The following SLC24A2 variants were observed in gnomAD, a reference collection of about 807,000 sequenced individuals.
The protein encoded by SLC24A2 is sodium/potassium/calcium exchanger 2.
Under a neutral mutation model 62.0 loss-of-function variants are expected in SLC24A2, and 36 were observed. The ratio of observed to expected loss-of-function variants is 0.58; its 90% CI spans 0.44 to 0.77. SLC24A2 has a LOEUF of 0.77. Among genes scored for constraint, SLC24A2 ranks in the 30% least tolerant of loss-of-function variants. The pLI, the probability that SLC24A2 is intolerant of heterozygous loss-of-function variation, is 0.00. For synonymous variants in SLC24A2, 358 were observed against 294.0 expected, an observed-to-expected ratio of 1.22 and a Z score of -2.23; for missense variants, 846 against 817.9, an observed-to-expected ratio of 1.03 and a Z score of -0.42.
At chr9:19,770,240 G>T (rs768309603) in intron 2 of SLC24A2, among the ~76,000 whole-genome samples, 19 of 151,690 alleles carry the variant, frequency 1.3e-4, no homozygotes, top group Non-Finnish European at 2.1e-4. Flanking sequence ...CATCTATTTG[G>T]CCGTTCAAAA....
chr9:19,568,958 C>A (rs1017888295), intron 7 of SLC24A2, among the ~76,000 whole-genome samples: 1 of 152,146 alleles, frequency 6.6e-6, no homozygotes, highest in African/African-American at 2.4e-5. Context: ...CCCTTTCTTT[C>A]CGTGTACAAA....
chr9:20,009,497 A>G, the SLC24A2 span, among the ~76,000 whole-genome samples: 715 of 152,178 alleles, frequency 4.7e-3, 37 homozygotes, highest in South Asian at 0.11. Flanking sequence ...GTGCCACATC[A>G]GAGAAACTAC....
At chr9:19,637,798 T>G (rs958386457) in intron 2 of SLC24A2, among the ~76,000 whole-genome samples, 1 of 152,192 alleles carries the variant, frequency 6.6e-6, no homozygotes, top group Non-Finnish European at 1.5e-5. Flanking sequence ...AGAACCTGTG[T>G]TGGTAAAATG....
At chr9:19,708,324 T>A (rs1234524774) in intron 2 of SLC24A2, among the ~76,000 whole-genome samples, 2 of 152,020 alleles carry the variant, frequency 1.3e-5, no homozygotes, top group African/African-American at 4.8e-5. Flanking sequence ...AAAATGGCCA[T>A]ACTGCCCAAG....
In SLC24A2 at chr9:19,543,959, C is replaced by G. The variant is rs200101804; in HGVS notation, c.1479+6178G>C. Among the ~76,000 whole-genome samples, 50 of 152,134 alleles carry G rather than the reference C, an allele frequency of 3.3e-4. No individual in the cohort carries two copies. In the East Asian group the frequency reaches 8.9e-3, roughly 27 times the overall value. On this transcript the variant is annotated intron_variant, in intron 8 of 10. Transcript: ENST00000341998. ...TGTTTATTAGGTCTGCTTGTTCCAGCGCTGAGTTCAAGTCCTGGATATCCT... is the reference window on the plus strand; with the variant it reads ...TGTTTATTAGGTCTGCTTGTTCCAGGGCTGAGTTCAAGTCCTGGATATCCT...
rs372625707 is a variant in SLC24A2, at chr9:19,677,168, T to A, written c.931-54869A>T. 3.9e-5 allele frequency among the ~76,000 whole-genome samples: 6 copies of A among 152,312 alleles called. 1 individual carries two copies. In the East Asian group the frequency reaches 1.2e-3, roughly 29 times the overall value. ...AGCACTATTCACAATAGCAAAGACA[T>A]GGAATCAACCTAAATACCCACCTAT... On this transcript the variant is annotated intron_variant, in intron 2 of 10. Coordinates refer to ENST00000341998, the MANE Select transcript of SLC24A2 (RefSeq NM_020344.4).
At chr9:20,209,651 G>A in the SLC24A2 span, among the ~76,000 whole-genome samples, 2 of 152,130 alleles carry the variant, frequency 1.3e-5, no homozygotes, top group African/African-American at 4.8e-5. Context: ...GCAACGCCTT[G>A]AAACCAAACG....
chr9:19,663,536 TG>T (rs1418776625), intron 2 of SLC24A2, among the ~76,000 whole-genome samples: 1 of 152,130 alleles, frequency 6.6e-6, no homozygotes, highest in Non-Finnish European at 1.5e-5. Context: ...AATAGGCTCC[TG>T]GGGACCTGGG....
the SLC24A2 span, among the ~76,000 whole-genome samples, chr9:20,014,277 T>C: frequency 3.3e-5 from 5 of 151,944 alleles, no homozygotes; most frequent in Admixed American, 3.3e-4. Context: ...TTACATGCTG[T>C]TGGTGGGAAT....
At chr9:20,158,914 A>G in the SLC24A2 span, among the ~76,000 whole-genome samples, 1 of 151,736 alleles carries the variant, frequency 6.6e-6, no homozygotes, top group Non-Finnish European at 1.5e-5. Flanking sequence ...TATTCTGATC[A>G]AGTCCTAGAC....
the SLC24A2 span, among the ~76,000 whole-genome samples, chr9:19,879,561 A>AT: frequency 6.6e-6 from 1 of 152,120 alleles, no homozygotes; most frequent in Non-Finnish European, 1.5e-5. Flanking sequence ...CTGAATAGTA[A>AT]TTTTTTCATT....
intron 4 of SLC24A2, among the ~76,000 whole-genome samples, chr9:19,601,633 C>T (rs140242003): frequency 7.5e-6 from 1 of 133,302 alleles, no homozygotes; most frequent in Non-Finnish European, 1.6e-5. Flanking sequence ...ATTTTAAACA[C>T]TGACACTGTT....
At chr9:20,090,618 C>T in the SLC24A2 span, among the ~76,000 whole-genome samples, 37 of 152,222 alleles carry the variant, frequency 2.4e-4, no homozygotes, top group Non-Finnish European at 3.8e-4. Context: ...CCCCAACCCC[C>T]GCCGTGAAAC....
At chr9:19,947,015 CAGTA>C in the SLC24A2 span, among the ~76,000 whole-genome samples, 1 of 152,326 alleles carries the variant, frequency 6.6e-6, no homozygotes, top group South Asian at 2.1e-4. Context: ...AGCAAGCTCC[CAGTA>C]AGTGTTTTAT....
At chr9:20,184,473 C>A in the SLC24A2 span, among the ~76,000 whole-genome samples, 2 of 152,196 alleles carry the variant, frequency 1.3e-5, no homozygotes, top group Admixed American at 1.3e-4. Context: ...CACTTGAACT[C>A]AGGAGGTGGA....
chr9:20,296,925 G>A, the SLC24A2 span, among the ~76,000 whole-genome samples: 1 of 152,170 alleles, frequency 6.6e-6, no homozygotes, highest in Non-Finnish European at 1.5e-5. Flanking sequence ...CTGTAAAGCA[G>A]TCTATGAAGT....
At chr9:19,753,564 G>A (rs933324455) in intron 2 of SLC24A2, among the ~76,000 whole-genome samples, 5 of 152,096 alleles carry the variant, frequency 3.3e-5, no homozygotes, top group African/African-American at 1.2e-4. Flanking sequence ...TATTTTTTAA[G>A]AAATGAATTA....
chr9:19,516,445 G>A (rs578065355), intron 10 of SLC24A2, 43 bp from the exon 11 acceptor site: 2 of 1,608,602 alleles, frequency 1.2e-6, no homozygotes, highest in Admixed American at 1.7e-5. Context: ...GGGAAGACAA[G>A]GGAGTAGTCA....
chr9:20,114,039 T>C, the SLC24A2 span, among the ~76,000 whole-genome samples: 1 of 152,148 alleles, frequency 6.6e-6, no homozygotes, highest in Non-Finnish European at 1.5e-5. Context: ...AGAATCCAGA[T>C]GGCAGCCAGT....
Sources: gnomAD v4.1 joint callset for allele counts (sites outside exome capture counted in the v4.1 genomes callset) on GRCh38, gnomAD v4.1.1 for gene constraint, MANE v1.5 for transcripts, NCBI Gene and HGNC (gene_info 2026-07-23, HGNC 2026-07-21) for gene names.